Variants in EVC observed in about 807,000 individuals in gnomAD.
EVC encodes EvC ciliary complex subunit 1.
A neutral mutation model predicts 118.9 loss-of-function variants in EVC; 116 were observed. That is an observed-to-expected ratio of 0.98 (90% CI 0.84 to 1.14). The LOEUF is 1.14. Among genes scored for constraint, EVC ranks in the 50% most tolerant of loss-of-function variants. EVC has a pLI of 0.00. For missense variants in EVC, 1,401 were observed against 1,246.4 expected (o/e 1.12, Z -1.87); for synonymous variants, 619 against 534.7 (o/e 1.16, Z -2.18).
rs1194618139 is a variant in EVC at position 5,749,755 on chromosome 4, C to T, written c.1098+1449C>T. 2.0e-5 allele frequency among the ~76,000 whole-genome samples: 3 copies of T among 152,154 alleles called. No homozygotes were observed. Among genetic ancestry groups the T allele is most frequent in the Non-Finnish European group, 2.9e-5 (2 of 68,038 alleles). On this transcript the variant is annotated intron_variant, in intron 8 of 20. Transcript: ENST00000264956. The surrounding 1 kb of genome is among the most constrained non-coding windows in gnomAD (Gnocchi z 4.4). ...CACCAGCCCGTGTGGCAGCTCGGCT[C>T]AGAACCCTGCAGTGGCCACCCTGCC...
chr4:5,770,192 C>T (rs556548963), intron 11 of EVC, among the ~76,000 whole-genome samples: 1 of 152,226 alleles, frequency 6.6e-6, no homozygotes, highest in East Asian at 1.9e-4. Flanking sequence ...CTTGCCCAGG[C>T]TTCAGTGTCC....
intron 14 of EVC, chr4:5,797,482 G>A (rs557374304): frequency 1.6e-5 from 9 of 580,166 alleles, no homozygotes; most frequent in African/African-American, 1.5e-4. Context: ...CTTTGATTCT[G>A]AGACCGCACT....
chr4:5,769,805 A>G (rs184669687), intron 11 of EVC, among the ~76,000 whole-genome samples: 1 of 152,272 alleles, frequency 6.6e-6, no homozygotes, highest in African/African-American at 2.4e-5. Flanking sequence ...GCTGAGAAAA[A>G]GAGAAAACAC....
chr4:5,757,147 G>A (rs1183259400), intron 11 of EVC, among the ~76,000 whole-genome samples: 7 of 152,302 alleles, frequency 4.6e-5, no homozygotes, highest in African/African-American at 1.4e-4. Context: ...TGTGCTAGGA[G>A]GACTGTGTTT....
At chr4:5,740,406 G>A (rs1316374148) in intron 5 of EVC, among the ~76,000 whole-genome samples, 1 of 150,522 alleles carries the variant, frequency 6.6e-6, no homozygotes, top group Non-Finnish European at 1.5e-5. Context: ...GGGAGGTGAA[G>A]GTTGCAGTGA....
At chr4:5,726,035 C>T (rs1428628629) in intron 2 of EVC, among the ~76,000 whole-genome samples, 1 of 152,160 alleles carries the variant, frequency 6.6e-6, no homozygotes, top group African/African-American at 2.4e-5. Flanking sequence ...TGCAGCTCTT[C>T]CTGGAGAGGT....
chr4:5,748,512 C>T (rs1028848566), intron 8 of EVC, among the ~76,000 whole-genome samples: 2 of 151,164 alleles, frequency 1.3e-5, no homozygotes, highest in Non-Finnish European at 3.0e-5. Flanking sequence ...ACCCATTGAC[C>T]CTTCCATCCA....
At chr4:5,828,270 G>A in the EVC span, 1 of 985,254 alleles carries the variant, frequency 1.0e-6, no homozygotes, top group Non-Finnish European at 1.2e-6. Context: ...CCCCTCTACA[G>A]TTTGCAAAGC....
chr4:5,821,905 G>A, the EVC span: 40 of 1,354,254 alleles, frequency 3.0e-5, no homozygotes, highest in Admixed American at 1.2e-4. This position sits in a 1 kb window ranked among gnomAD's most constrained non-coding sequence, Gnocchi z 4.4. Flanking sequence ...TCAGTTCCAC[G>A]CTGCTCCTGG....
At chr4:5,741,925 A>T (rs937560642) in intron 6 of EVC, 111 bp downstream of exon 6, 4 of 593,242 alleles carry the variant, frequency 6.7e-6, no homozygotes, top group African/African-American at 5.6e-5. Flanking sequence ...TTATTACAAT[A>T]TATACTTTTC....
rs767835195 is a variant in EVC, at chr4:5,810,470, C to A, written c.2894+20C>A. ...ACTCAGGTATGACTGGGCCCCGGAC[C>A]TGTTGCCTGTGGCTGGGTTTGGTAA... On this transcript the variant is annotated intron_variant, in intron 20 of 20. Transcript: ENST00000264956. 6.3e-7 allele frequency: 1 copy of A among 1,577,424 alleles called. No individual in the cohort carries two copies. Among genetic ancestry groups the A allele is most frequent in the East Asian group, 2.3e-5 (1 of 44,184 alleles).
chr4:5,828,233 T>C, the EVC span: 1 of 985,276 alleles, frequency 1.0e-6, no homozygotes, highest in African/African-American at 1.7e-5. Context: ...GTCCCTCCCA[T>C]GATCCACCCA....
At chr4:5,771,007 A>G (rs551232810) in intron 11 of EVC, among the ~76,000 whole-genome samples, 1 of 131,140 alleles carries the variant, frequency 7.6e-6, no homozygotes, top group Admixed American at 8.6e-5. Context: ...GCGAGACTTC[A>G]TTTCAAAAAA....
rs1553875708 is a variant in EVC at position 5,752,986 on chromosome 4, CAGA to C, written c.1252_1254del (p.Lys418del). On this transcript the variant is annotated inframe_deletion, in exon 9 of 21. Coordinates refer to ENST00000264956, the MANE Select transcript of EVC (RefSeq NM_153717.3). ...TGGTGAGGGGAAGCTGTCCGGGCGG[CAGA>C]AGGAGGAGCTGCTCACGCAGCAGCA... is the stretch of plus-strand genomic sequence containing the variant. 1.9e-6 allele frequency: 3 copies of C among 1,613,512 alleles called. No individual in the cohort carries two copies. The highest frequency in any genetic ancestry group is 2.5e-6 in the Non-Finnish European group (3 of 1,179,830).
intron 13 of EVC, among the ~76,000 whole-genome samples, chr4:5,794,924 C>A (rs1050181900): frequency 9.2e-5 from 14 of 152,070 alleles, no homozygotes; most frequent in African/African-American, 2.9e-4. Flanking sequence ...TCTATTGTTC[C>A]CATCCTTATA....
At chr4:5,730,444 A>G (rs1726605048) in intron 3 of EVC, among the ~76,000 whole-genome samples, 1 of 141,924 alleles carries the variant, frequency 7.0e-6, no homozygotes, top group Admixed American at 6.9e-5. Context: ...TGGAACCCAC[A>G]TTGGGAACCA....
At chr4:5,753,706 C>T (rs1417439409) in intron 9 of EVC, 79 bp from the exon 10 acceptor site, 1 of 1,581,644 alleles carries the variant, frequency 6.3e-7, no homozygotes, top group African/African-American at 1.3e-5. Flanking sequence ...AACCTCCAGA[C>T]AGGAGAAAGC....
rs1408548245 is a variant in EVC at position 5,719,151 on chromosome 4, G to T, written c.175-97G>T. On this transcript the variant is annotated intron_variant, in intron 1 of 20. Transcript: ENST00000264956. The surrounding 1 kb of genome is among the most constrained non-coding windows in gnomAD (Gnocchi z 4.7). ...GGCGAGCAGAAGTGGCTGCTGGACTGGGGGAGTTGACTGGCAAAAGTCACG... is the reference window on the plus strand; with the variant it reads ...GGCGAGCAGAAGTGGCTGCTGGACTTGGGGAGTTGACTGGCAAAAGTCACG... 6 of 1,503,414 alleles carry T rather than the reference G, an allele frequency of 4.0e-6. No individual in the cohort carries two copies. The highest frequency in any genetic ancestry group is 1.1e-5 in the South Asian group (1 of 88,486). 93.1% of individuals were successfully genotyped at this position (1,503,414 alleles called of 1,614,324 possible). A position where few individuals can be genotyped will look rare whatever the true frequency, so the allele number is the denominator to read the frequency against.
the EVC span, among the ~76,000 whole-genome samples, chr4:5,827,847 G>A: frequency 3.9e-5 from 6 of 152,176 alleles, no homozygotes; most frequent in Non-Finnish European, 7.3e-5. Flanking sequence ...TGTTGGCCAC[G>A]GGCGGGAGTC....
Sources: gnomAD v4.1 joint callset for allele counts (sites outside exome capture counted in the v4.1 genomes callset) on GRCh38, gnomAD v4.1.1 for gene constraint, Gnocchi (gnomAD v3.1) non-coding constraint, MANE v1.5 for transcripts, NCBI Gene and HGNC (gene_info 2026-07-23, HGNC 2026-07-21) for gene names.